The following ERG variants were observed in gnomAD, a reference collection of about 807,000 sequenced individuals.
ERG encodes transcriptional regulator ERG.
A neutral mutation model predicts 55.3 loss-of-function variants in ERG; 9 were observed. The ratio of observed to expected loss-of-function variants is 0.16; its 90% CI spans 0.10 to 0.28. The LOEUF is 0.28. Ranked by LOEUF, ERG falls within the 10% of genes least tolerant of loss-of-function variation. The pLI, the probability that ERG is intolerant of heterozygous loss-of-function variation, is 1.00. For synonymous variants in ERG, 223 were observed against 237.3 expected (o/e 0.94, Z 0.55); for missense variants, 434 against 631.6 (o/e 0.69, Z 3.35).
intron 3 of ERG, among the ~76,000 whole-genome samples, chr21:38,410,736 G>A (rs931051326): frequency 1.3e-5 from 2 of 152,220 alleles, no homozygotes; most frequent in Admixed American, 1.3e-4. Context: ...CTGTGCCTTT[G>A]TGAAACAAAA....
At chr21:38,425,813 A>G (rs1989797222) in intron 2 of ERG, among the ~76,000 whole-genome samples, 2 of 152,196 alleles carry the variant, frequency 1.3e-5, no homozygotes, top group South Asian at 4.1e-4. Flanking sequence ...CTTCAAGTCT[A>G]AGGAGGTCAA....
chr21:38,430,908 A>T (rs915290877), intron 2 of ERG, among the ~76,000 whole-genome samples: 1 of 152,280 alleles, frequency 6.6e-6, no homozygotes, highest in East Asian at 1.9e-4. Flanking sequence ...AACTGTGGTC[A>T]CTCACAGGAA....
chr21:38,650,888 C>T (rs1232868350), intron 1 of ERG, among the ~76,000 whole-genome samples: 1 of 152,184 alleles, frequency 6.6e-6, no homozygotes, highest in Non-Finnish European at 1.5e-5. Context: ...TATAGCAATA[C>T]ATTTAGTTGA....
At chr21:38,652,510 G>A (rs1365059254) in intron 1 of ERG, among the ~76,000 whole-genome samples, 1 of 152,198 alleles carries the variant, frequency 6.6e-6, no homozygotes, top group African/African-American at 2.4e-5. Context: ...AGAAACAAGG[G>A]TAAGAACATA....
chr21:38,602,834 C>A (rs1033140623), intron 1 of ERG, among the ~76,000 whole-genome samples: 1 of 151,878 alleles, frequency 6.6e-6, no homozygotes, highest in Admixed American at 6.6e-5. Context: ...ACTCCTAGAA[C>A]GCCAAGAGCT....
chr21:38,434,464 C>T (rs941367359), intron 2 of ERG, among the ~76,000 whole-genome samples: 3 of 152,210 alleles, frequency 2.0e-5, no homozygotes, highest in Admixed American at 6.5e-5. Context: ...CAAGCCTTTC[C>T]TGGGCCGCCA....
At chr21:38,635,775 A>T (rs530011743) in intron 1 of ERG, among the ~76,000 whole-genome samples, 1 of 152,346 alleles carries the variant, frequency 6.6e-6, no homozygotes, top group Non-Finnish European at 1.5e-5. Flanking sequence ...TGGTGGCAGC[A>T]GTCCGCCACT....
At chr21:38,575,811 A>C in intron 1 of ERG, 2 of 1,256,884 alleles carry the variant, frequency 1.6e-6, no homozygotes, top group South Asian at 2.5e-5. Context: ...TTTATGTTCT[A>C]GCAGGACAGG....
At chr21:38,652,556 G>T (rs754434774) in intron 1 of ERG, among the ~76,000 whole-genome samples, 46 of 152,202 alleles carry the variant, frequency 3.0e-4, no homozygotes, top group Non-Finnish European at 5.0e-4. Context: ...CGCCAGGCAG[G>T]CCTCAGGGTC....
At chr21:38,623,169 C>T (rs898283034) in intron 1 of ERG, among the ~76,000 whole-genome samples, 4 of 148,788 alleles carry the variant, frequency 2.7e-5, no homozygotes, top group Non-Finnish European at 6.0e-5. Context: ...CACACACACA[C>T]ATTACATACA....
At chr21:38,647,048 T>C (rs1042887398) in intron 1 of ERG, among the ~76,000 whole-genome samples, 1 of 152,184 alleles carries the variant, frequency 6.6e-6, no homozygotes, top group Admixed American at 6.5e-5. Context: ...TTTTGTCCAC[T>C]CATAACTTTG....
rs554506969 is a variant in ERG, at chr21:38,392,321, C to T, written c.814+55G>A. The T allele has an allele frequency of 9.5e-6, 13 of 1,363,120 alleles. No homozygotes were observed. In the African/African-American group the frequency reaches 1.4e-4, roughly 15 times the overall value. 84.4% of individuals were successfully genotyped at this position (1,363,120 alleles called of 1,614,324 possible). A position where few individuals can be genotyped will look rare whatever the true frequency, so the allele number is the denominator to read the frequency against. ...CAGAAATTATTATATACTCCATCAA[C>T]AGTCATCCACTGCCTGTGACATGAA... On this transcript the variant is annotated intron_variant, in intron 7 of 9. Transcript: ENST00000288319.
intron 1 of ERG, among the ~76,000 whole-genome samples, chr21:38,650,678 G>C (rs1277911103): frequency 6.6e-6 from 1 of 152,126 alleles, no homozygotes; most frequent in Non-Finnish European, 1.5e-5. Flanking sequence ...ATAGTTAAAA[G>C]GGTAGAAGGT....
At chr21:38,621,553 G>A (rs947597256) in intron 1 of ERG, among the ~76,000 whole-genome samples, 13 of 152,162 alleles carry the variant, frequency 8.5e-5, no homozygotes, top group Non-Finnish European at 1.6e-4. Context: ...AGCTGAGTCC[G>A]ACAGAGCTCC....
intron 1 of ERG, among the ~76,000 whole-genome samples, chr21:38,482,243 G>C (rs2059244732): frequency 6.6e-6 from 1 of 152,116 alleles, no homozygotes; most frequent in African/African-American, 2.4e-5. Context: ...ACATAATAAT[G>C]AACAATGGGT....
intron 1 of ERG, among the ~76,000 whole-genome samples, chr21:38,659,689 A>T (rs1441190566): frequency 1.3e-5 from 2 of 152,264 alleles, no homozygotes; most frequent in Admixed American, 6.5e-5. Flanking sequence ...TTATTTTGAA[A>T]GATAAAGGAA....
At chr21:38,655,242 G>A (rs1475041593) in intron 1 of ERG, among the ~76,000 whole-genome samples, 2 of 151,834 alleles carry the variant, frequency 1.3e-5, no homozygotes, top group African/African-American at 4.8e-5. Context: ...CCTCCCACAG[G>A]GCCCTCATAA....
intron 2 of ERG, among the ~76,000 whole-genome samples, chr21:38,537,677 G>T (rs2146787745): frequency 6.6e-6 from 1 of 152,290 alleles, no homozygotes; most frequent in Non-Finnish European, 1.5e-5. Context: ...AATTACAAGT[G>T]CTGGTGGAGA....
At chr21:38,504,629 T>C (rs1328596599) in intron 2 of ERG, among the ~76,000 whole-genome samples, 3 of 152,210 alleles carry the variant, frequency 2.0e-5, no homozygotes, top group Non-Finnish European at 4.4e-5. Flanking sequence ...CACGTTGCCA[T>C]TGGTGCCCAT....
Sources: gnomAD v4.1 joint callset for allele counts (sites outside exome capture counted in the v4.1 genomes callset) on GRCh38, gnomAD v4.1.1 for gene constraint, MANE v1.5 for transcripts, NCBI Gene and HGNC (gene_info 2026-07-23, HGNC 2026-07-21) for gene names.